Variants in WASHC2A observed in about 807,000 individuals in gnomAD.
WASHC2A encodes WASH complex subunit 2A.
A neutral mutation model predicts 140.3 loss-of-function variants in WASHC2A; 82 were observed. The observed-to-expected ratio is 0.58, with a 90% CI of 0.49 to 0.70. The LOEUF is 0.70. Among genes scored for constraint, WASHC2A ranks in the 30% least tolerant of loss-of-function variants. The pLI, the probability that WASHC2A is intolerant of heterozygous loss-of-function variation, is 0.00. For synonymous variants in WASHC2A, 340 were observed against 560.8 expected, an observed-to-expected ratio of 0.61 and a Z score of 5.56; for missense variants, 985 against 1,521.8, an observed-to-expected ratio of 0.65 and a Z score of 5.87.
In WASHC2A at chr10:50,117,962, G is replaced by A. The variant is rs1240797819; in HGVS notation, c.2199G>A (p.Lys733=). The A allele has an allele frequency of 9.5e-6, 15 of 1,578,660 alleles. No homozygotes were observed. The highest frequency in any genetic ancestry group is 1.7e-5 in the Admixed American group (1 of 57,694). Residue 733 remains lysine, a synonymous_variant, in exon 22 of 31, where the codon AAG becomes AAA. Coordinates refer to ENST00000282633, the MANE Select transcript of WASHC2A (RefSeq NM_001005751.3). ...TGCTGTTCAGCGATGAAGAAGAGAA[G>A]GAGGCACAACTTGGAGTGAAGTCTG... ...PPLLFSDEEE[K]EAQLGVKSVD... is the part of the protein sequence containing the mutation.
Position 50,086,534 on chromosome 10 carries a change from C to T in WASHC2A, c.685-741C>T, listed in dbSNP as rs1178606591. 2.0e-3 allele frequency among the ~76,000 whole-genome samples: 298 copies of T among 151,786 alleles called. 2 individuals carry two copies. The highest frequency in any genetic ancestry group is 2.8e-3 in the Non-Finnish European group (189 of 67,944). On this transcript the variant is annotated intron_variant, in intron 7 of 30. Coordinates refer to ENST00000282633, the MANE Select transcript of WASHC2A (RefSeq NM_001005751.3). Reference sequence around the variant, plus strand: ...TATGTATACATGTGCCATGCTGGTGCGCTGCACCCATTAGCTCGTCATCTA... The same window carrying T: ...TATGTATACATGTGCCATGCTGGTGTGCTGCACCCATTAGCTCGTCATCTA...
intron 18 of WASHC2A, among the ~76,000 whole-genome samples, 158 bp downstream of exon 18, chr10:50,104,301 A>G (rs3888203): frequency 0.12 from 17,320 of 144,396 alleles, 457 homozygotes; most frequent in Admixed American, 0.2. Flanking sequence ...TTTTTATTTC[A>G]GTGACTTCTT....
chr10:50,133,458 G>A lies in WASHC2A; in HGVS notation c.*513G>A, dbSNP rs980327367. The A allele has an allele frequency of 2.1e-6, 1 of 469,750 alleles. No homozygotes were observed. The highest frequency in any genetic ancestry group is 4.4e-6 in the Non-Finnish European group (1 of 227,624). The allele number at this position is 469,750 out of a possible 1,614,324, so 29.1% of individuals were successfully genotyped here. ...CCAAGGCAAAGTTTGGCAAACTGTGGCCCCCCCACTGTCATATTTTGTTAA... is the reference window on the plus strand; with the variant it reads ...CCAAGGCAAAGTTTGGCAAACTGTGACCCCCCCACTGTCATATTTTGTTAA... On this transcript the variant is annotated 3_prime_UTR_variant, in exon 31 of 31. Coordinates refer to ENST00000282633, the MANE Select transcript of WASHC2A (RefSeq NM_001005751.3).
At chr10:50,079,690 TGCCC>T (rs1272370864) in intron 4 of WASHC2A, among the ~76,000 whole-genome samples, 3 of 152,248 alleles carry the variant, frequency 2.0e-5, no homozygotes, top group Non-Finnish European at 4.4e-5. Context: ...TGAGCTACTG[TGCCC>T]AGCAGGTTAT....
chr10:50,068,044 CT>C lies in WASHC2A; in HGVS notation c.3+37del, dbSNP rs782287620. On this transcript the variant is annotated intron_variant, in intron 1 of 30. Coordinates refer to ENST00000282633, the MANE Select transcript of WASHC2A (RefSeq NM_001005751.3). ...CGGGCAGGAGAGAGGCCGGCCTGGG[CT>C]GGGGCCGCCGTCCCTGCCGCCCTCA... 3.7e-6 allele frequency: 6 copies of C among 1,607,572 alleles called. No individual in the cohort carries two copies. In the African/African-American group the frequency reaches 8.0e-5, roughly 21 times the overall value.
At chr10:50,127,005 A>G (rs1843491207) in intron 26 of WASHC2A, among the ~76,000 whole-genome samples, 155 bp from the exon 27 acceptor site, 2 of 152,006 alleles carry the variant, frequency 1.3e-5, no homozygotes, top group African/African-American at 4.8e-5. Context: ...AGTGCTAGTG[A>G]AACATCAGGC....
chr10:50,130,856 A>C (rs1325447948), intron 29 of WASHC2A, 45 bp from the exon 30 acceptor site: 100 of 1,607,818 alleles, frequency 6.2e-5, no homozygotes, highest in Middle Eastern at 2.3e-4. Context: ...CTTAAAAAGA[A>C]AAATTGATTT....
rs1441796533 is a variant in WASHC2A, at chr10:50,095,899, T to G, written c.1420+121T>G. 166 of 1,285,022 alleles carry G rather than the reference T, an allele frequency of 1.3e-4. No homozygotes were observed. In the African/African-American group the frequency reaches 2.3e-3, roughly 18 times the overall value. The allele number at this position is 1,285,022 out of a possible 1,614,324, so 79.6% of individuals were successfully genotyped here. ...GCCAGAATCCCTTCTCCAGCATTCCTGTCATTGAGTTGTTGTGTCTGTACT... is the reference window on the plus strand; with the variant it reads ...GCCAGAATCCCTTCTCCAGCATTCCGGTCATTGAGTTGTTGTGTCTGTACT... On this transcript the variant is annotated intron_variant, in intron 15 of 30. Transcript: ENST00000282633.
chr10:50,109,363 A>G (rs878982812), intron 19 of WASHC2A, among the ~76,000 whole-genome samples: 16 of 152,348 alleles, frequency 1.1e-4, no homozygotes, highest in African/African-American at 3.4e-4. Context: ...TGTGTGCTGC[A>G]TGAGTTTTTA....
At chr10:50,084,671 T>G (rs1268288484) in intron 6 of WASHC2A, among the ~76,000 whole-genome samples, 12 of 151,192 alleles carry the variant, frequency 7.9e-5, no homozygotes, top group African/African-American at 2.9e-4. Flanking sequence ...CCTCATGATC[T>G]GCCCGCCTCG....
intron 11 of WASHC2A, among the ~76,000 whole-genome samples, chr10:50,092,863 C>G (rs1419951930): frequency 2.0e-5 from 3 of 152,218 alleles, no homozygotes; most frequent in Non-Finnish European, 2.9e-5. Flanking sequence ...CTGCAAACAG[C>G]CATGTCCATT....
chr10:50,104,725 A>G (rs1205613546), intron 18 of WASHC2A, among the ~76,000 whole-genome samples: 9 of 151,358 alleles, frequency 5.9e-5, no homozygotes, highest in Non-Finnish European at 1.0e-4. Flanking sequence ...TGAGAAATAC[A>G]ATTGACCCTT....
Position 50,131,006 on chromosome 10 carries a change from G to GA in WASHC2A, c.3815dup (p.Asp1272GlufsTer21), listed in dbSNP as rs1436183080. ...TGATGATAACATTGATATCTTTGCTGACTTAACTGTAAAACCAAAAGAAAA... is the reference window on the plus strand; with the variant it reads ...TGATGATAACATTGATATCTTTGCTGAACTTAACTGTAAAACCAAAAGAAAA... On this transcript the variant is annotated frameshift_variant, in exon 30 of 31. Coordinates refer to ENST00000282633, the MANE Select transcript of WASHC2A (RefSeq NM_001005751.3). LOFTEE classifies it high-confidence loss of function. 1.2e-6 allele frequency: 2 copies of GA among 1,610,542 alleles called. No individual in the cohort carries two copies. The highest frequency in any genetic ancestry group is 2.7e-5 in the African/African-American group (2 of 74,670).
rs1158550033 is a variant in WASHC2A at position 50,125,375 on chromosome 10, G to C, written c.2614G>C (p.Glu872Gln). ...TGGGTCTTGTTTATTCTAGCTGTTA[G>C]AGCCAAGTGTTGGGAGCCTGTTTGG... ...FAGTKKTKLL[E>Q]PSVGSLFGDD... The change falls in exon 25 of 31, where the codon GAG becomes CAG. Residue 872 changes from glutamate (E) to glutamine (Q), a missense_variant. Transcript: ENST00000282633. The C allele has an allele frequency of 1.2e-6, 2 of 1,605,548 alleles. No individual in the cohort carries two copies. Among genetic ancestry groups the C allele is most frequent in the African/African-American group, 1.3e-5 (1 of 74,082 alleles).
chr10:50,110,349 A>G, intron 20 of WASHC2A, 79 bp downstream of exon 20: 8 of 1,596,738 alleles, frequency 5.0e-6, no homozygotes, highest in Non-Finnish European at 6.0e-6. Context: ...AATCTAGTTC[A>G]TCGGGTGATT....
intron 3 of WASHC2A, among the ~76,000 whole-genome samples, chr10:50,077,254 A>G (rs1838445682): frequency 6.6e-6 from 1 of 152,104 alleles, no homozygotes; most frequent in African/African-American, 2.4e-5. Context: ...AGATCCTGCC[A>G]CTGCACTCCA....
At chr10:50,093,708 G>T (rs201432740) in intron 12 of WASHC2A, 152 bp from the exon 13 acceptor site, 212,915 of 480,634 alleles carry the variant, frequency 0.44, 24,657 homozygotes, top group Middle Eastern at 0.53. Flanking sequence ...GTCTGATTTT[G>T]CCATAGTTAT....
intron 17 of WASHC2A, among the ~76,000 whole-genome samples, chr10:50,101,601 A>G (rs1554886811): frequency 6.6e-6 from 1 of 152,290 alleles, no homozygotes; most frequent in East Asian, 1.9e-4. Flanking sequence ...GTTGTAAGCC[A>G]TCCAGTAATT....
chr10:50,100,874 G>A (rs1371452118), intron 17 of WASHC2A, among the ~76,000 whole-genome samples: 9 of 152,404 alleles, frequency 5.9e-5, no homozygotes, highest in Admixed American at 2.0e-4. Context: ...CTTTTCCTGA[G>A]TCTCTCAGGC....
Sources: allele counts gnomAD v4.1 joint callset (sites outside exome capture counted in the v4.1 genomes callset), GRCh38; gene constraint gnomAD v4.1.1; transcripts MANE v1.5; gene names NCBI Gene and HGNC (gene_info 2026-07-23, HGNC 2026-07-21).